Variants in HCN1 observed in about 807,000 individuals in gnomAD.
The protein encoded by HCN1 is hyperpolarization activated cyclic nucleotide gated potassium channel 1.
In HCN1, 13 loss-of-function variants were observed where a neutral mutation model predicts 78.9. The ratio of observed to expected loss-of-function variants is 0.16; its 90% CI spans 0.11 to 0.26. The LOEUF is 0.26. HCN1 is among the 10% of genes least tolerant of loss of function. The pLI is 1.00. For missense variants in HCN1, 810 were observed against 1,154.3 expected (o/e 0.70, Z 4.32); for synonymous variants, 552 against 455.5 (o/e 1.21, Z -2.70).
At chr5:45,375,807 TATATA>T (rs1296595693) in intron 4 of HCN1, among the ~76,000 whole-genome samples, 1 of 115,538 alleles carries the variant, frequency 8.7e-6, no homozygotes, top group African/African-American at 3.7e-5. Context: ...ATATATCTTA[TATATA>T]ATATAATATT....
intron 6 of HCN1, among the ~76,000 whole-genome samples, chr5:45,292,010 T>G (rs1745388008): frequency 6.6e-6 from 1 of 152,066 alleles, no homozygotes; most frequent in Non-Finnish European, 1.5e-5. Context: ...TATTCACTAT[T>G]GCATGACACA....
intron 1 of HCN1, among the ~76,000 whole-genome samples, chr5:45,678,934 A>G (rs1739649450): frequency 6.6e-6 from 1 of 152,010 alleles, no homozygotes; most frequent in Non-Finnish European, 1.5e-5. Context: ...CTACAAATGA[A>G]GCTCCCAGAA....
chr5:45,379,707 T>C (rs1747765174), intron 4 of HCN1, among the ~76,000 whole-genome samples: 1 of 152,104 alleles, frequency 6.6e-6, no homozygotes, highest in African/African-American at 2.4e-5. Context: ...AATATTTTCA[T>C]GGAATGCATA....
At chr5:45,446,448 G>A (rs1285765034) in intron 3 of HCN1, among the ~76,000 whole-genome samples, 1 of 152,154 alleles carries the variant, frequency 6.6e-6, no homozygotes, top group Non-Finnish European at 1.5e-5. Context: ...ATGGAACCAA[G>A]TTGGAAAACA....
At chr5:45,530,439 T>A (rs368517329) in intron 2 of HCN1, among the ~76,000 whole-genome samples, 1 of 141,458 alleles carries the variant, frequency 7.1e-6, no homozygotes, top group Non-Finnish European at 1.6e-5. Flanking sequence ...CATATATAGT[T>A]TTTTTTTTTA....
At chr5:45,439,290 A>T (rs1348920040) in intron 3 of HCN1, among the ~76,000 whole-genome samples, 1 of 152,042 alleles carries the variant, frequency 6.6e-6, no homozygotes, top group Non-Finnish European at 1.5e-5. Context: ...GGCTCCCAAA[A>T]TCTCTCTCAA....
At chr5:45,505,664 G>T (rs1742283019) in intron 2 of HCN1, among the ~76,000 whole-genome samples, 3 of 151,894 alleles carry the variant, frequency 2.0e-5, no homozygotes, top group African/African-American at 7.3e-5. Flanking sequence ...ATTAAAATCT[G>T]GATGCATATA....
chr5:45,353,833 C>T (rs935127655), intron 4 of HCN1, among the ~76,000 whole-genome samples: 1 of 151,826 alleles, frequency 6.6e-6, no homozygotes, highest in Admixed American at 6.6e-5. Flanking sequence ...GAGAATATCA[C>T]GGTGAGACTA....
chr5:45,315,400 G>A (rs1179032672), intron 5 of HCN1, among the ~76,000 whole-genome samples: 2 of 152,262 alleles, frequency 1.3e-5, no homozygotes, highest in East Asian at 1.9e-4. Context: ...AAACCTCTGG[G>A]ACACATTTAA....
At chr5:45,639,199 G>A (rs767051442) in intron 2 of HCN1, among the ~76,000 whole-genome samples, 23 of 151,962 alleles carry the variant, frequency 1.5e-4, no homozygotes, top group Admixed American at 1.3e-4. Context: ...AAAGAAAACA[G>A]TCCGGCATTT....
At chr5:45,600,884 T>G (rs1052450923) in intron 2 of HCN1, among the ~76,000 whole-genome samples, 29 of 152,150 alleles carry the variant, frequency 1.9e-4, no homozygotes, top group Non-Finnish European at 2.9e-5. Context: ...GCAGAAAGGC[T>G]AAACTTTAAA....
intron 6 of HCN1, among the ~76,000 whole-genome samples, chr5:45,286,250 A>G (rs531830173): frequency 1.3e-5 from 2 of 151,948 alleles, no homozygotes; most frequent in African/African-American, 4.8e-5. Flanking sequence ...TGCAAACATT[A>G]TATCCTTTCT....
chr5:45,438,547 G>A (rs1198404041), intron 3 of HCN1, among the ~76,000 whole-genome samples: 2 of 150,100 alleles, frequency 1.3e-5, no homozygotes, highest in East Asian at 3.9e-4. Flanking sequence ...GCCGAATCGC[G>A]CTACTGCACT....
intron 2 of HCN1, among the ~76,000 whole-genome samples, chr5:45,517,271 G>T (rs115067632): frequency 0.016 from 2,412 of 151,696 alleles, 61 homozygotes; most frequent in African/African-American, 0.055. Flanking sequence ...GTAAAAATGG[G>T]AATACATTCA....
At chr5:45,292,499 C>T (rs1033272715) in intron 6 of HCN1, among the ~76,000 whole-genome samples, 1 of 151,892 alleles carries the variant, frequency 6.6e-6, no homozygotes, top group African/African-American at 2.4e-5. Flanking sequence ...ACTATATTAT[C>T]TGATCCCTAA....
chr5:45,355,637 G>T (rs1561121661), intron 4 of HCN1, among the ~76,000 whole-genome samples: 1 of 151,898 alleles, frequency 6.6e-6, no homozygotes, highest in Non-Finnish European at 1.5e-5. Flanking sequence ...ACTCAGAGAA[G>T]AAAATATATA....
At chr5:45,640,609 T>G (rs1580012580) in intron 2 of HCN1, among the ~76,000 whole-genome samples, 1 of 151,216 alleles carries the variant, frequency 6.6e-6, no homozygotes, top group Non-Finnish European at 1.5e-5. Flanking sequence ...AGTTTCACTC[T>G]TGTCGCCCAG....
chr5:45,557,556 T>G (rs1743497546), intron 2 of HCN1, among the ~76,000 whole-genome samples: 1 of 152,144 alleles, frequency 6.6e-6, no homozygotes. Flanking sequence ...TTTTTGTTTT[T>G]AAATAAATTG....
At chr5:45,353,282 T>A (rs372131231) in intron 4 of HCN1, 36 bp from the exon 5 acceptor site, 60 of 1,426,698 alleles carry the variant, frequency 4.2e-5, no homozygotes, top group Non-Finnish European at 5.5e-5. Context: ...AAAAAAAACA[T>A]TGTTAGGGTG....
Sources: gnomAD v4.1 joint callset for allele counts (sites outside exome capture counted in the v4.1 genomes callset) on GRCh38, gnomAD v4.1.1 for gene constraint, MANE v1.5 for transcripts, NCBI Gene and HGNC (gene_info 2026-07-23, HGNC 2026-07-21) for gene names.